The following MCRIP1 variants were observed in gnomAD, a reference collection of about 807,000 sequenced individuals.
MCRIP1 encodes the protein mapk-regulated corepressor-interacting protein 1.
A neutral mutation model predicts 14.4 loss-of-function variants in MCRIP1; 10 were observed. The ratio of observed to expected loss-of-function variants is 0.70; its 90% CI spans 0.43 to 1.18. The LOEUF (loss-of-function observed/expected upper bound fraction) is 1.18, where lower values mean the gene tolerates loss of function less well. MCRIP1 is among the 50% of genes most tolerant of loss of function. MCRIP1 has a pLI of 0.00. For missense variants in MCRIP1, 119 were observed against 135.4 expected (o/e 0.88, Z 0.60); for synonymous variants, 53 against 55.7 (o/e 0.95, Z 0.21).
intron 1 of MCRIP1, among the ~76,000 whole-genome samples, chr17:81,828,764 C>G (rs1053314141): frequency 6.6e-6 from 1 of 152,182 alleles, no homozygotes. Flanking sequence ...ATAACTGGAG[C>G]CGGGGCCAGG....
In MCRIP1 at chr17:81,828,442, G is replaced by A. The variant is rs567832079; in HGVS notation, c.-48-3888C>T. Among the ~76,000 whole-genome samples the A allele has an allele frequency of 4.6e-5, 7 of 152,220 alleles. No homozygotes were observed. In the South Asian group the frequency reaches 1.4e-3, roughly 32 times the overall value. ...TGGGTGCCCAATTCTGACCCAGAAG[G>A]AATTTTCCATTAAAAATCAAGTATC... is the stretch of plus-strand genomic sequence containing the variant. On this transcript the variant is annotated intron_variant, in intron 1 of 4. Transcript: ENST00000455127.
At chr17:81,825,566 G>A (rs1294790613) in intron 1 of MCRIP1, 1 of 1,288,504 alleles carries the variant, frequency 7.8e-7, no homozygotes, top group African/African-American at 1.5e-5. Flanking sequence ...GGAGCACTGA[G>A]GCTTCGAGTC....
chr17:81,824,835 A>C (rs2038355697), intron 1 of MCRIP1: 3 of 1,325,242 alleles, frequency 2.3e-6, no homozygotes, highest in Non-Finnish European at 2.9e-6. Context: ...TCCACGTCTC[A>C]GGCTCAGACG....
intron 3 of MCRIP1, 56 bp downstream of exon 3, chr17:81,824,231 G>A: frequency 7.2e-7 from 1 of 1,391,248 alleles, no homozygotes; most frequent in Non-Finnish European, 9.8e-7. Context: ...TGGGCTGGGG[G>A]CAGAGCTGAC....
At chr17:81,828,072 A>G (rs1325745620) in intron 1 of MCRIP1, among the ~76,000 whole-genome samples, 1 of 151,626 alleles carries the variant, frequency 6.6e-6, no homozygotes, top group East Asian at 1.9e-4. Flanking sequence ...GAGCTACCAC[A>G]CCCAGCTGCA....
chr17:81,824,944 A>C, intron 1 of MCRIP1: 2 of 1,109,868 alleles, frequency 1.8e-6, no homozygotes, highest in South Asian at 3.2e-5. Context: ...GCTGCCTCTC[A>C]CTGCAGCAGA....
chr17:81,831,512 G>A (rs1000001219), intron 1 of MCRIP1, among the ~76,000 whole-genome samples: 2 of 152,088 alleles, frequency 1.3e-5, no homozygotes, highest in African/African-American at 4.8e-5. Flanking sequence ...TAGGAAGGTG[G>A]AGGCCCAGAA....
intron 1 of MCRIP1, chr17:81,826,052 G>A (rs1029555232): frequency 6.9e-6 from 10 of 1,446,598 alleles, no homozygotes; most frequent in East Asian, 3.0e-5. Flanking sequence ...CCTCTCCCGT[G>A]GCTCTTCTCC....
At chr17:81,827,666 G>A (rs2038436081) in intron 1 of MCRIP1, among the ~76,000 whole-genome samples, 1 of 151,820 alleles carries the variant, frequency 6.6e-6, no homozygotes, top group Non-Finnish European at 1.5e-5. Context: ...AGGCTGTGGT[G>A]AGCCATGATC....
At chr17:81,824,871 A>G in intron 1 of MCRIP1, 1 of 1,256,438 alleles carries the variant, frequency 8.0e-7, no homozygotes, top group Admixed American at 3.9e-5. Flanking sequence ...CAGCACCGGG[A>G]GCACTGTGGC....
intron 1 of MCRIP1, chr17:81,825,540 C>A: frequency 7.8e-7 from 1 of 1,280,264 alleles, no homozygotes; most frequent in Non-Finnish European, 1.0e-6. Flanking sequence ...ACGGCTGCAG[C>A]CCTCACAGAG....
At chr17:81,825,472 A>C in intron 1 of MCRIP1, 1 of 1,199,536 alleles carries the variant, frequency 8.3e-7, no homozygotes, top group Non-Finnish European at 1.1e-6. Flanking sequence ...GGGGGCTTTG[A>C]GCACAAGCAA....
rs1270326619 is a variant in MCRIP1 at position 81,823,816 on chromosome 17, C to T, written c.128-303G>A. The T allele has an allele frequency of 6.9e-6, 4 of 575,978 alleles. No individual in the cohort carries two copies. The highest frequency in any genetic ancestry group is 9.2e-6 in the Non-Finnish European group (3 of 324,512). The allele number at this position is 575,978 out of a possible 1,614,324, so 35.7% of individuals were successfully genotyped here. A position where few individuals can be genotyped will look rare whatever the true frequency, so the allele number is the denominator to read the frequency against. ...GGCAGCGCATCCTCCTCAGCTAGGC[C>T]TCTATCTTTCCCACCTCATCCACGC... On this transcript the variant is annotated intron_variant, in intron 3 of 4. Coordinates refer to ENST00000455127, the MANE Select transcript of MCRIP1 (RefSeq NM_207368.5). This position sits in a 1 kb window ranked among gnomAD's most constrained non-coding sequence, Gnocchi z 6.0.
intron 1 of MCRIP1, among the ~76,000 whole-genome samples, chr17:81,827,551 G>A (rs1157938397): frequency 3.3e-5 from 5 of 151,778 alleles, no homozygotes; most frequent in East Asian, 2.0e-4. Flanking sequence ...GATTACAGTC[G>A]TGAGCCACCA....
Position 81,824,372 on chromosome 17 carries a change from CTTGCCG to C in MCRIP1, c.36_41del (p.Asn12_Gly13del), listed in dbSNP as rs1450407732. Reference sequence around the variant, plus strand: ...GTGGGGAGCGGGGGCTGCTGGTCCTCTTGCCGTTGTACACGACTCTGGAGACGGGGG... The same window carrying C: ...GTGGGGAGCGGGGGCTGCTGGTCCTCTTGTACACGACTCTGGAGACGGGGG... On this transcript the variant is annotated inframe_deletion, in exon 3 of 5. Transcript: ENST00000455127. The C allele has an allele frequency of 1.3e-6, 2 of 1,535,942 alleles. No individual in the cohort carries two copies. Among genetic ancestry groups the C allele is most frequent in the African/African-American group, 2.7e-5 (2 of 73,104 alleles).
At chr17:81,825,899 A>ACC (rs758592636) in intron 1 of MCRIP1, 1 of 1,292,070 alleles carries the variant, frequency 7.7e-7, no homozygotes, top group African/African-American at 1.5e-5. Context: ...TCCCACAGGG[A>ACC]CATGCTGCCT....
At position 81,823,562 on chromosome 17, in the gene MCRIP1, G is replaced by A. The variant is rs541600019; in HGVS notation, c.128-49C>T. On this transcript the variant is annotated intron_variant, in intron 3 of 4. Transcript: ENST00000455127. The surrounding 1 kb of genome is among the most constrained non-coding windows in gnomAD (Gnocchi z 6.0). ...CTCAGGGCCCCCTGCCCCAGGGGGT[G>A]GCATCCACGTCACGAGAGTGCCTGC... 9 of 1,461,336 alleles carry A rather than the reference G, an allele frequency of 6.2e-6. No individual in the cohort carries two copies. Among genetic ancestry groups the A allele is most frequent in the Middle Eastern group, 1.9e-4 (1 of 5,334 alleles). 90.5% of individuals were successfully genotyped at this position (1,461,336 alleles called of 1,614,324 possible). A position where few individuals can be genotyped will look rare whatever the true frequency, so the allele number is the denominator to read the frequency against.
chr17:81,825,440 GGGAGTCCCA>G (rs1189220982), intron 1 of MCRIP1: 50 of 1,193,144 alleles, frequency 4.2e-5, no homozygotes, highest in Non-Finnish European at 4.4e-5. Context: ...TCTGGGGGAG[GGGAGTCCCA>G]GGATTCCCAG....
rs1334945296 is a variant in MCRIP1, at chr17:81,823,499, C to T, written c.142G>A (p.Glu48Lys). 2 of 1,536,312 alleles carry T rather than the reference C, an allele frequency of 1.3e-6. No homozygotes were observed. The highest frequency in any genetic ancestry group is 2.0e-5 in the Admixed American group (1 of 50,988). The stretch of plus-strand genomic sequence containing the variant: ...GGCACCTGGCCTCGCAGGTCTCGCT[C>T]CACACCCTGCCAGGCTGCAGAGGCA... ...RFIYEAWQGVERDLRGQVPGG... is the reference protein window; with the variant it reads ...RFIYEAWQGVKRDLRGQVPGG... The change falls in exon 4 of 5, where the codon GAG (glutamate) becomes AAG (lysine). Residue 48 changes from glutamate (E) to lysine (K), a missense_variant. Coordinates refer to ENST00000455127, the MANE Select transcript of MCRIP1 (RefSeq NM_207368.5). The surrounding 1 kb of genome is among the most constrained non-coding windows in gnomAD (Gnocchi z 6.0).
Sources: allele counts gnomAD v4.1 joint callset (sites outside exome capture counted in the v4.1 genomes callset), GRCh38; gene constraint gnomAD v4.1.1; non-coding constraint Gnocchi (gnomAD v3.1); transcripts MANE v1.5; gene names NCBI Gene and HGNC (gene_info 2026-07-23, HGNC 2026-07-21).